Variants in AKR7A3 observed in about 807,000 individuals in gnomAD.
AKR7A3 encodes the protein aldo-keto reductase family 7 member A3.
AKR7A3 carries 37 observed loss-of-function variants against 32.5 expected under a neutral mutation model. The observed-to-expected ratio is 1.14, with a 90% CI of 0.88 to 1.50. AKR7A3 has a LOEUF of 1.50. Among genes scored for constraint, AKR7A3 ranks in the 40% most tolerant of loss-of-function variants. The pLI is 0.00. For missense variants in AKR7A3, 412 were observed against 453.2 expected (o/e 0.91, Z 0.83); for synonymous variants, 177 against 188.4 (o/e 0.94, Z 0.50).
At position 19,282,687 on chromosome 1, in the gene AKR7A3, A is replaced by G. The variant is rs766393349; in HGVS notation, c.*44T>C. ...AAATTAAAGAAAATGTGAGTAACAAAAGATGTTACAGAAGAGCCTTGGGCA... is the reference window on the plus strand; with the variant it reads ...AAATTAAAGAAAATGTGAGTAACAAGAGATGTTACAGAAGAGCCTTGGGCA... On this transcript the variant is annotated 3_prime_UTR_variant, in exon 7 of 7. Coordinates refer to ENST00000361640, the MANE Select transcript of AKR7A3 (RefSeq NM_012067.3). 1 of 1,613,546 alleles carries G rather than the reference A, an allele frequency of 6.2e-7. No individual in the cohort carries two copies. The highest frequency in any genetic ancestry group is 2.2e-5 in the East Asian group (1 of 44,892).
At chr1:19,284,266 G>A in intron 5 of AKR7A3, 141 bp from the exon 6 acceptor site, 6 of 1,251,944 alleles carry the variant, frequency 4.8e-6, no homozygotes, top group Non-Finnish European at 6.5e-6. Context: ...CTCCCACTTT[G>A]CTGGGCAAGA....
chr1:19,285,484 A>G (rs61764920), intron 3 of AKR7A3, among the ~76,000 whole-genome samples: 7,889 of 151,484 alleles, frequency 0.052, 167 homozygotes, highest in Non-Finnish European at 0.087. Context: ...AGGTGTGCAA[A>G]TATTTGTGCA....
In AKR7A3 at chr1:19,284,175, C is replaced by T. The variant is rs773905797; in HGVS notation, c.705-50G>A. The stretch of plus-strand genomic sequence containing the variant: ...GGTGTCAGGGCCACATTGGGAGCCA[C>T]AACCAAAGAGCCAACCAGGGCCACT... On this transcript the variant is annotated intron_variant, in intron 5 of 6. Coordinates refer to ENST00000361640, the MANE Select transcript of AKR7A3 (RefSeq NM_012067.3). The T allele has an allele frequency of 9.5e-6, 15 of 1,571,538 alleles. No homozygotes were observed. In the South Asian group the frequency reaches 1.3e-4, roughly 14 times the overall value.
chr1:19,288,645 C>T lies in AKR7A3; in HGVS notation c.65G>A (p.Arg22His), dbSNP rs1309142358. 1.3e-6 allele frequency: 2 copies of T among 1,551,664 alleles called. No homozygotes were observed. Among genetic ancestry groups the T allele is most frequent in the South Asian group, 2.4e-5 (2 of 84,734 alleles). ...TGCGGCGCTGGTGGGCGCGTCCATG[C>T]GGCGCCCCATCTCCATGGCGCCCAG... ...TVLGAMEMGRRMDAPTSAAVT... is the reference protein window; with the variant it reads ...TVLGAMEMGRHMDAPTSAAVT... The change falls in exon 1 of 7, where the codon CGC becomes CAC. Residue 22 changes from arginine (R) to histidine (H), a missense_variant. Arg to His is a conservative substitution (Grantham distance 29, BLOSUM62 0). Coordinates refer to ENST00000361640, the MANE Select transcript of AKR7A3 (RefSeq NM_012067.3).
intron 3 of AKR7A3, among the ~76,000 whole-genome samples, chr1:19,285,621 G>T (rs991586574): frequency 2.0e-5 from 3 of 151,648 alleles, no homozygotes; most frequent in Admixed American, 6.6e-5. Context: ...GGGCGGTGGT[G>T]GGGGAAGGGC....
At position 19,285,093 on chromosome 1, in the gene AKR7A3, G is replaced by C; in HGVS notation, c.529C>G (p.Arg177Gly). 6.2e-7 allele frequency: 1 copy of C among 1,613,598 alleles called. No homozygotes were observed. Among genetic ancestry groups the C allele is most frequent in the Non-Finnish European group, 8.5e-7 (1 of 1,179,862 alleles). ...VYQGMYNAIT[R>G]QVETELFPCL... is the part of the protein sequence containing the mutation. ...GGGAAGAGCTCCGTTTCCACCTGCCGGGTGATGGCATTGTACATGCCCTGT... is the reference window on the plus strand; with the variant it reads ...GGGAAGAGCTCCGTTTCCACCTGCCCGGTGATGGCATTGTACATGCCCTGT... The change falls in exon 4 of 7, where the codon CGG (arginine) becomes GGG (glycine). Residue 177 changes from arginine (R) to glycine (G), a missense_variant. Physicochemically the swap from Arg to Gly is moderately radical, Grantham distance 125. Transcript: ENST00000361640.
chr1:19,284,904 C>G, intron 4 of AKR7A3, 114 bp downstream of exon 4: 2 of 1,568,172 alleles, frequency 1.3e-6, no homozygotes, highest in Non-Finnish European at 1.8e-6. Flanking sequence ...GCAGCCTTTA[C>G]GTCTTTGACC....
downstream of AKR7A3, among the ~76,000 whole-genome samples, chr1:19,282,386 G>A (rs1276721638): frequency 1.3e-5 from 2 of 151,664 alleles, no homozygotes; most frequent in African/African-American, 2.4e-5. Context: ...CATGTGACAC[G>A]CTGGCGCCGC....
chr1:19,286,451 G>T, intron 1 of AKR7A3, 79 bp from the exon 2 acceptor site: 1 of 1,434,368 alleles, frequency 7.0e-7, no homozygotes, highest in Non-Finnish European at 9.6e-7. Flanking sequence ...GGAGACTGAG[G>T]CAGGCAAATC....
In AKR7A3 at chr1:19,282,705, C is replaced by T. The variant is rs1460814515; in HGVS notation, c.*26G>A. ...GTAACAAAAGATGTTACAGAAGAGC[C>T]TTGGGCAGCCTGAGAAACGATGGGC... On this transcript the variant is annotated 3_prime_UTR_variant, in exon 7 of 7. Coordinates refer to ENST00000361640, the MANE Select transcript of AKR7A3 (RefSeq NM_012067.3). 6.2e-7 allele frequency: 1 copy of T among 1,613,788 alleles called. No individual in the cohort carries two copies. Among genetic ancestry groups the T allele is most frequent in the Non-Finnish European group, 8.5e-7 (1 of 1,180,036 alleles).
chr1:19,285,914 C>T lies in AKR7A3; in HGVS notation c.481G>A (p.Gly161Ser), dbSNP rs138381490. 49 of 1,613,558 alleles carry T rather than the reference C, an allele frequency of 3.0e-5. No individual in the cohort carries two copies. The highest frequency in any genetic ancestry group is 9.4e-5 in the African/African-American group (7 of 74,640). ...TGGTACACAGTGGGCAGGATCCAGC[C>T]GTTGCTCTTGCAGAGGGTACAGATC... Reference protein sequence around the residue: ...AEICTLCKSNGWILPTVYQGM... With the variant: ...AEICTLCKSNSWILPTVYQGM... The change falls in exon 3 of 7, where the codon GGC becomes AGC. Residue 161 changes from glycine to serine, a missense_variant. Transcript: ENST00000361640.
chr1:19,275,136 C>A, the AKR7A3 span, among the ~76,000 whole-genome samples: 2 of 151,578 alleles, frequency 1.3e-5, no homozygotes, highest in African/African-American at 2.4e-5. Context: ...ATGCGCCAGG[C>A]GGAGTGGTTC....
At chr1:19,275,604 C>A in the AKR7A3 span, among the ~76,000 whole-genome samples, 15 of 151,594 alleles carry the variant, frequency 9.9e-5, 1 homozygote, top group African/African-American at 3.7e-4. Flanking sequence ...GAGTTTGAGA[C>A]CAGCCTGGGC....
At chr1:19,278,742 GT>G (rs1387449870), downstream of AKR7A3, among the ~76,000 whole-genome samples, 1 of 151,708 alleles carries the variant, frequency 6.6e-6, no homozygotes, top group Non-Finnish European at 1.5e-5. Context: ...AAGAAACCCT[GT>G]ACTTATTAGC....
intron 1 of AKR7A3, among the ~76,000 whole-genome samples, chr1:19,288,283 CG>C (rs1259308782): frequency 6.7e-6 from 1 of 148,848 alleles, no homozygotes; most frequent in Non-Finnish European, 1.5e-5. Context: ...AGAAGAGAGA[CG>C]AACAGAAGAG....
chr1:19,285,836 C>G, intron 3 of AKR7A3, 52 bp downstream of exon 3: 10 of 1,609,760 alleles, frequency 6.2e-6, no homozygotes, highest in Non-Finnish European at 7.6e-6. Context: ...AAAGACAGCC[C>G]AGGATGAGCA....
chr1:19,286,426 A>T (rs2093730167), intron 1 of AKR7A3, 54 bp from the exon 2 acceptor site: 2 of 1,568,386 alleles, frequency 1.3e-6, no homozygotes, highest in Non-Finnish European at 1.7e-6. Flanking sequence ...TCATGCCTGT[A>T]ATCCCAGCAC....
chr1:19,288,366 CAG>C, intron 1 of AKR7A3, 128 bp downstream of exon 1: 1 of 1,144,730 alleles, frequency 8.7e-7, no homozygotes, highest in African/African-American at 1.9e-5. Flanking sequence ...GCGAGGTGAA[CAG>C]GGGTGGGGGC....
At chr1:19,285,664 A>G (rs2093728270) in intron 3 of AKR7A3, among the ~76,000 whole-genome samples, 1 of 151,386 alleles carries the variant, frequency 6.6e-6, no homozygotes, top group South Asian at 2.1e-4. Context: ...GAAGGTAGGG[A>G]AGGAAGGGTC....
Sources: allele counts gnomAD v4.1 joint callset (sites outside exome capture counted in the v4.1 genomes callset), GRCh38; gene constraint gnomAD v4.1.1; transcripts MANE v1.5; gene names NCBI Gene and HGNC (gene_info 2026-07-23, HGNC 2026-07-21).